Variants in GPC3 observed in about 807,000 individuals in gnomAD.
GPC3 encodes the protein glypican-3.
In GPC3, 3 loss-of-function variants were observed where a neutral mutation model predicts 34.4. The ratio of observed to expected loss-of-function variants is 0.09; its 90% CI spans 0.04 to 0.23. The LOEUF (loss-of-function observed/expected upper bound fraction) is 0.23. GPC3 is among the 10% of genes least tolerant of loss of function. The probability of loss-of-function intolerance (pLI) is 1.00; values close to 1 mark genes in which losing one functional copy is unlikely to be tolerated. For synonymous variants in GPC3, 177 were observed against 174.0 expected (o/e 1.02, Z -0.13); for missense variants, 351 against 445.6 (o/e 0.79, Z 1.91).
intron 1 of GPC3, 150 bp downstream of exon 1, chrX:133,985,125 G>A (rs2124655461): frequency 1.8e-6 from 1 of 564,930 alleles, no homozygotes; most frequent in Non-Finnish European, 3.0e-6. Flanking sequence ...AGTAGACCCA[G>A]CCAGGCCCCA....
chrX:133,920,505 A>G (rs1432542081), intron 2 of GPC3, among the ~76,000 whole-genome samples: 8 of 112,173 alleles, frequency 7.1e-5, no homozygotes, highest in Non-Finnish European at 1.5e-4. Flanking sequence ...GGGACAACCT[A>G]CATGTATATC....
intron 2 of GPC3, among the ~76,000 whole-genome samples, chrX:133,775,144 C>A (rs2124497308): frequency 9.1e-6 from 1 of 109,948 alleles, no homozygotes; most frequent in East Asian, 2.9e-4. Context: ...AAATAAAGTT[C>A]AAAGAAGTAA....
intron 5 of GPC3, among the ~76,000 whole-genome samples, chrX:133,666,932 T>C (rs2070773748): frequency 8.9e-6 from 1 of 112,404 alleles, no homozygotes; most frequent in Non-Finnish European, 1.9e-5. Context: ...GCTAGTGAAA[T>C]CTTATTTTTT....
chrX:133,978,578 T>C (rs982611500), intron 1 of GPC3, among the ~76,000 whole-genome samples: 1 of 111,713 alleles, frequency 9.0e-6, no homozygotes, highest in African/African-American at 3.3e-5. Context: ...CACTTACCTA[T>C]AGAAAACAAA....
At chrX:133,650,849 T>C (rs1412233594) in intron 6 of GPC3, among the ~76,000 whole-genome samples, 1 of 111,691 alleles carries the variant, frequency 9.0e-6, no homozygotes, top group East Asian at 2.8e-4. Flanking sequence ...CTTTTCAAGA[T>C]AGATGATAGT....
chrX:133,691,478 G>A (rs1271554502), intron 5 of GPC3, among the ~76,000 whole-genome samples: 1 of 106,066 alleles, frequency 9.4e-6, no homozygotes, highest in African/African-American at 3.5e-5. Flanking sequence ...CAGCCTGGGC[G>A]ACAAAGTGAG....
intron 6 of GPC3, among the ~76,000 whole-genome samples, chrX:133,646,047 G>A (rs372969589): frequency 1.1e-5 from 1 of 92,218 alleles, no homozygotes; most frequent in Admixed American, 1.2e-4. Flanking sequence ...AATATAAATA[G>A]AAGTTGAAGA....
intron 1 of GPC3, among the ~76,000 whole-genome samples, chrX:133,974,459 C>A (rs767192642): frequency 8.9e-6 from 1 of 112,560 alleles, no homozygotes; most frequent in Non-Finnish European, 1.9e-5. Context: ...TGTGTATGCA[C>A]GTGTGCACAT....
intron 2 of GPC3, among the ~76,000 whole-genome samples, chrX:133,935,493 G>A (rs143815890): frequency 0.036 from 3,973 of 110,388 alleles, 64 homozygotes; most frequent in East Asian, 0.098. Flanking sequence ...ACTGCCAGCC[G>A]CCCACTCCCC....
At chrX:133,581,015 C>T (rs2069726607) in intron 7 of GPC3, among the ~76,000 whole-genome samples, 1 of 112,117 alleles carries the variant, frequency 8.9e-6, no homozygotes, top group Non-Finnish European at 1.9e-5. Context: ...TCTATGAAGC[C>T]AAGGCTAATA....
chrX:133,550,024 G>GT (rs1193953710), intron 7 of GPC3, among the ~76,000 whole-genome samples: 16 of 102,624 alleles, frequency 1.6e-4, no homozygotes, highest in South Asian at 4.4e-4. Context: ...TGTTTGTTTT[G>GT]TTTTTTTTTA....
At chrX:133,950,368 G>A (rs959657271) in intron 2 of GPC3, among the ~76,000 whole-genome samples, 3 of 111,976 alleles carry the variant, frequency 2.7e-5, no homozygotes, top group South Asian at 7.6e-4. Flanking sequence ...CCAAATCGAG[G>A]CAGTAAGGAT....
At chrX:133,651,784 A>T (rs1245714398) in intron 6 of GPC3, among the ~76,000 whole-genome samples, 2 of 112,198 alleles carry the variant, frequency 1.8e-5, no homozygotes, top group Non-Finnish European at 3.8e-5. Context: ...GATACATTTC[A>T]TATATGATAA....
intron 2 of GPC3, among the ~76,000 whole-genome samples, chrX:133,879,860 G>C (rs1003200117): frequency 9.0e-6 from 1 of 111,057 alleles, no homozygotes; most frequent in Non-Finnish European, 1.9e-5. Flanking sequence ...TTTTGAATCA[G>C]CTATTGCTAC....
At chrX:133,786,394 GAAAGA>G (rs1401149909) in intron 2 of GPC3, among the ~76,000 whole-genome samples, 4 of 112,156 alleles carry the variant, frequency 3.6e-5, no homozygotes, top group East Asian at 5.6e-4. Flanking sequence ...AAACTCTGCC[GAAAGA>G]AAAGAAAAGA....
chrX:133,900,524 A>G (rs2076139716), intron 2 of GPC3, among the ~76,000 whole-genome samples: 1 of 111,646 alleles, frequency 9.0e-6, no homozygotes, highest in Non-Finnish European at 1.9e-5. Context: ...AGATCTGAGG[A>G]TTAAACAACA....
chrX:133,847,028 A>G (rs1908816), intron 2 of GPC3, among the ~76,000 whole-genome samples: 69,587 of 110,572 alleles, frequency 0.63, 19,651 homozygotes, highest in Non-Finnish European at 0.87. Context: ...CATGGCAAAG[A>G]AAAAGCCAAG....
intron 6 of GPC3, among the ~76,000 whole-genome samples, chrX:133,628,727 A>G (rs1444249612): frequency 3.6e-5 from 4 of 111,379 alleles, no homozygotes; most frequent in Non-Finnish European, 7.5e-5. Context: ...GTGATTATAA[A>G]CATTACTAAA....
chrX:133,584,941 A>C lies in GPC3; in HGVS notation c.1573+11499T>G, dbSNP rs1271098718. Among the ~76,000 whole-genome samples the C allele has an allele frequency of 8.2e-5, 9 of 110,297 alleles. No individual in the cohort carries two copies. In the Admixed American group the frequency reaches 8.7e-4, roughly 11 times the overall value. On this transcript the variant is annotated intron_variant, in intron 7 of 7. Coordinates refer to ENST00000370818, the MANE Select transcript of GPC3 (RefSeq NM_004484.4). ...GGATTATAAAAAGCCAAAAAAAAAA[A>C]AAAAACAAAAAAACAAAAAACAGAC...
Sources: allele counts gnomAD v4.1 joint callset (sites outside exome capture counted in the v4.1 genomes callset), GRCh38; gene constraint gnomAD v4.1.1; transcripts MANE v1.5; gene names NCBI Gene and HGNC (gene_info 2026-07-23, HGNC 2026-07-21).